PPFIBP1: variants seen among roughly 807,000 people sequenced by gnomAD.
PPFIBP1 encodes PPFIB scaffold protein 1, also known as liprin-beta-1.
In PPFIBP1, 112 loss-of-function variants were observed where a neutral mutation model predicts 137.8. That is an observed-to-expected ratio of 0.81 (90% CI 0.70 to 0.95). The LOEUF is 0.95. PPFIBP1 is among the 40% of genes least tolerant of loss of function. The probability of loss-of-function intolerance (pLI) is 0.00; values close to 1 mark genes in which losing one functional copy is unlikely to be tolerated. For synonymous variants in PPFIBP1, 378 were observed against 417.3 expected (o/e 0.91, Z 1.15); for missense variants, 1,083 against 1,196.6 (o/e 0.91, Z 1.40).
At chr12:27,596,469 C>G (rs2053319572) in intron 2 of PPFIBP1, among the ~76,000 whole-genome samples, 1 of 152,080 alleles carries the variant, frequency 6.6e-6, no homozygotes. Flanking sequence ...ATCCTGGAGG[C>G]TGTTTAAGTC....
chr12:27,532,491 A>C (rs1170820992), intron 1 of PPFIBP1, among the ~76,000 whole-genome samples: 1 of 151,414 alleles, frequency 6.6e-6, no homozygotes, highest in Non-Finnish European at 1.5e-5. Flanking sequence ...TATTACATCT[A>C]TATTACATTA....
At chr12:27,540,598 C>A (rs306656) in intron 1 of PPFIBP1, among the ~76,000 whole-genome samples, 66,590 of 151,990 alleles carry the variant, frequency 0.44, 14,954 homozygotes, top group Middle Eastern at 0.5. Flanking sequence ...CCTGTCTATA[C>A]AATAGATGAT....
chr12:27,535,796 A>G (rs916021093), intron 1 of PPFIBP1, among the ~76,000 whole-genome samples: 4 of 152,246 alleles, frequency 2.6e-5, no homozygotes, highest in Non-Finnish European at 5.9e-5. Context: ...AACAGTAGAA[A>G]CACTGCACAA....
chr12:27,653,360 C>T lies in PPFIBP1; in HGVS notation c.604-1362C>T, dbSNP rs57048201. Among the ~76,000 whole-genome samples the T allele has an allele frequency of 5.8e-3, 884 of 151,940 alleles. 4 individuals are homozygous for T. Among genetic ancestry groups the T allele is most frequent in the African/African-American group, 0.021 (852 of 41,416 alleles). On this transcript the variant is annotated intron_variant, in intron 7 of 29. Transcript: ENST00000228425. ...CAACACTTAGGGAGTCCGAGGAGGG[C>T]GGGTCACTTGAGGTCAGGAGTTCAA...
At chr12:27,533,653 T>C (rs944234607) in intron 1 of PPFIBP1, among the ~76,000 whole-genome samples, 12 of 152,216 alleles carry the variant, frequency 7.9e-5, no homozygotes, top group Admixed American at 5.9e-4. Flanking sequence ...AAATTTAGGC[T>C]TGGAGTTTAG....
chr12:27,613,048 C>G (rs1238605701), intron 2 of PPFIBP1, among the ~76,000 whole-genome samples: 5 of 151,682 alleles, frequency 3.3e-5, no homozygotes, highest in African/African-American at 1.2e-4. Context: ...AGAGGAATGC[C>G]TGGTACCCCA....
At chr12:27,647,643 C>CT (rs34792131) in intron 5 of PPFIBP1, 86 bp from the exon 6 acceptor site, 513,074 of 759,330 alleles carry the variant, frequency 0.68, 179,886 homozygotes, top group East Asian at 0.8. Context: ...AGGATCATTC[C>CT]TTTTTTTGTT....
intron 1 of PPFIBP1, among the ~76,000 whole-genome samples, chr12:27,527,458 G>C (rs1311692473): frequency 1.3e-5 from 2 of 152,004 alleles, no homozygotes; most frequent in African/African-American, 4.8e-5. Context: ...GCTCAGGCTG[G>C]TCTTGAACTC....
At chr12:27,529,323 C>CTT (rs1435959483) in intron 1 of PPFIBP1, among the ~76,000 whole-genome samples, 1 of 152,150 alleles carries the variant, frequency 6.6e-6, no homozygotes, top group African/African-American at 2.4e-5. Flanking sequence ...CTTAGTGTGT[C>CTT]TTTGTTAAGA....
intron 2 of PPFIBP1, among the ~76,000 whole-genome samples, chr12:27,584,966 A>C (rs1212194635): frequency 6.6e-6 from 1 of 152,224 alleles, no homozygotes; most frequent in East Asian, 1.9e-4. Context: ...TAGGAATCTC[A>C]TGCATCATTT....
In PPFIBP1 at chr12:27,588,873, C is replaced by T. The variant is rs116362137; in HGVS notation, c.-36+10634C>T. On this transcript the variant is annotated intron_variant, in intron 2 of 29. Transcript: ENST00000228425. Reference sequence around the variant, plus strand: ...AATTCCTTTGAAAGGTGGAATAAAGCGGAAATTGTTTTGTCTTGGTACTTC... The same window carrying T: ...AATTCCTTTGAAAGGTGGAATAAAGTGGAAATTGTTTTGTCTTGGTACTTC... Among the ~76,000 whole-genome samples, 449 of 152,224 alleles carry T rather than the reference C, an allele frequency of 2.9e-3. 2 individuals are homozygous for T. The highest frequency in any genetic ancestry group is 0.01 in the African/African-American group (418 of 41,542).
chr12:27,612,328 GTTTTTTTTTT>G (rs1173958726), intron 2 of PPFIBP1, among the ~76,000 whole-genome samples: 1 of 87,234 alleles, frequency 1.1e-5, no homozygotes, highest in Non-Finnish European at 2.2e-5. Flanking sequence ...CTTTATTGGT[GTTTTTTTTTT>G]TTTTTTTTTT....
intron 2 of PPFIBP1, among the ~76,000 whole-genome samples, chr12:27,620,176 T>A (rs750700329): frequency 6.6e-6 from 1 of 152,178 alleles, no homozygotes; most frequent in Non-Finnish European, 1.5e-5. Flanking sequence ...AGGATACTTC[T>A]TAAAACAGAA....
At chr12:27,552,679 A>G (rs1946893573) in intron 1 of PPFIBP1, 1 of 152,210 alleles carries the variant, frequency 6.6e-6, no homozygotes, top group Non-Finnish European at 1.5e-5. Flanking sequence ...ATAACTCTGA[A>G]CTTAAGTTAA....
chr12:27,666,182 C>G (rs193168459), intron 12 of PPFIBP1, among the ~76,000 whole-genome samples: 1 of 152,254 alleles, frequency 6.6e-6, no homozygotes, highest in East Asian at 1.9e-4. Context: ...TTGTTTATTT[C>G]TAGCTTTTTT....
chr12:27,657,014 G>C (rs554002059), intron 9 of PPFIBP1: 4 of 244,710 alleles, frequency 1.6e-5, no homozygotes, highest in African/African-American at 6.9e-5. Context: ...TCTCAATTGC[G>C]ATGCAAGGGA....
chr12:27,606,232 C>T (rs1242685022), intron 2 of PPFIBP1, among the ~76,000 whole-genome samples: 2 of 152,318 alleles, frequency 1.3e-5, no homozygotes, highest in Non-Finnish European at 2.9e-5. Context: ...TATTAAAAAT[C>T]ACTGTCTCTT....
intron 1 of PPFIBP1, chr12:27,549,156 A>G (rs1946513104): frequency 6.7e-6 from 1 of 149,576 alleles, no homozygotes; most frequent in Non-Finnish European, 1.5e-5. Context: ...AAGGAAATTA[A>G]TGTAGCATAG....
intron 2 of PPFIBP1, chr12:27,592,608 C>T: frequency 6.3e-7 from 1 of 1,595,376 alleles, no homozygotes; most frequent in Non-Finnish European, 8.6e-7. Context: ...TATGCTGCCT[C>T]AGCCAGCTGA....
Sources: gnomAD v4.1 joint callset for allele counts (sites outside exome capture counted in the v4.1 genomes callset) on GRCh38, gnomAD v4.1.1 for gene constraint, MANE v1.5 for transcripts, NCBI Gene and HGNC (gene_info 2026-07-23, HGNC 2026-07-21) for gene names.